The following ACKR3 variants were observed in gnomAD, a reference collection of about 807,000 sequenced individuals.
ACKR3 encodes atypical chemokine receptor 3, also known as C-X-C chemokine receptor type 7.
In ACKR3, 6 loss-of-function variants were observed where a neutral mutation model predicts 22.4. The ratio of observed to expected loss-of-function variants is 0.27; its 90% confidence interval spans 0.15 to 0.53. The LOEUF is 0.53. Among genes scored for constraint, ACKR3 ranks in the 20% least tolerant of loss-of-function variants. The probability of loss-of-function intolerance (pLI) is 0.96; values close to 1 mark genes in which losing one functional copy is unlikely to be tolerated. For missense variants in ACKR3, 396 were observed against 475.2 expected, an observed-to-expected ratio of 0.83 and a Z score of 1.55; for synonymous variants, 209 against 205.2, an observed-to-expected ratio of 1.02 and a Z score of -0.16.
chr2:236,577,641 C>A lies in ACKR3; in HGVS notation c.-26-2799C>A, dbSNP rs532861768. 6.6e-6 allele frequency among the ~76,000 whole-genome samples: 1 copy of A among 152,054 alleles called. No homozygotes were observed. The highest frequency in any genetic ancestry group is 1.5e-5 in the Non-Finnish European group (1 of 67,998). ...AGCAGTGGCCAGGCGCCTGGCCAGC[C>A]GGCATCTGACATGTCTCTACACTGG... On this transcript the variant is annotated intron_variant, in intron 1 of 1. Coordinates refer to ENST00000272928, the MANE Select transcript of ACKR3 (RefSeq NM_020311.3). The surrounding 1 kb of genome is among the most constrained non-coding windows in gnomAD (Gnocchi z 5.6).
chr2:236,538,248 T>C, the ACKR3 span, among the ~76,000 whole-genome samples: 2 of 152,272 alleles, frequency 1.3e-5, no homozygotes, highest in South Asian at 4.1e-4. Context: ...TGTTATTGAG[T>C]GTGTTCTGCA....
upstream of ACKR3, among the ~76,000 whole-genome samples, chr2:236,564,388 G>A (rs545391130): frequency 3.9e-5 from 6 of 152,280 alleles, no homozygotes; most frequent in African/African-American, 7.2e-5. Context: ...TTGTTGCTTC[G>A]TTCTTTTGTT....
At position 236,574,774 on chromosome 2, in the gene ACKR3, T is replaced by G. The variant is rs1468741069; in HGVS notation, c.-27+4850T>G. Among the ~76,000 whole-genome samples, 3 of 152,122 alleles carry G rather than the reference T, an allele frequency of 2.0e-5. No individual in the cohort carries two copies. The highest frequency in any genetic ancestry group is 4.4e-5 in the Non-Finnish European group (3 of 68,020). Reference sequence around the variant, plus strand: ...AGGCTGCTTGCTGCAGCACGGTCGTTGTCAAGGATACTTGGTTGATGAATA... The same window carrying G: ...AGGCTGCTTGCTGCAGCACGGTCGTGGTCAAGGATACTTGGTTGATGAATA... On this transcript the variant is annotated intron_variant, in intron 1 of 1. Coordinates refer to ENST00000272928, the MANE Select transcript of ACKR3 (RefSeq NM_020311.3). The surrounding 1 kb of genome is among the most constrained non-coding windows in gnomAD (Gnocchi z 5.6).
At chr2:236,572,066 G>A (rs1271228639) in intron 1 of ACKR3, among the ~76,000 whole-genome samples, 4 of 152,122 alleles carry the variant, frequency 2.6e-5, no homozygotes, top group South Asian at 4.1e-4. Context: ...CAAAGCTCCA[G>A]GACACGTATT....
the ACKR3 span, among the ~76,000 whole-genome samples, chr2:236,558,757 G>A: frequency 6.6e-6 from 1 of 152,130 alleles, no homozygotes; most frequent in Middle Eastern, 3.2e-3. Flanking sequence ...TAAAAAGGAA[G>A]GAAGGGTCTC....
At chr2:236,575,507 GTGTC>G (rs1283456842) in intron 1 of ACKR3, among the ~76,000 whole-genome samples, 1 of 140,996 alleles carries the variant, frequency 7.1e-6, no homozygotes, top group African/African-American at 2.7e-5. Context: ...GTGTGTGTGT[GTGTC>G]TGGGGTTGTG....
In ACKR3 at chr2:236,574,679, G is replaced by C. The variant is rs1428767094; in HGVS notation, c.-27+4755G>C. On this transcript the variant is annotated intron_variant, in intron 1 of 1. Coordinates refer to ENST00000272928, the MANE Select transcript of ACKR3 (RefSeq NM_020311.3). The surrounding 1 kb of genome is among the most constrained non-coding windows in gnomAD (Gnocchi z 5.6). Reference sequence around the variant, plus strand: ...ATGAAGGCTCTAAACCTGAGTACCTGTAATTCCGGCTTCACCCTCAGCTTG... The same window carrying C: ...ATGAAGGCTCTAAACCTGAGTACCTCTAATTCCGGCTTCACCCTCAGCTTG... Among the ~76,000 whole-genome samples the C allele has an allele frequency of 6.6e-6, 1 of 152,200 alleles. No individual in the cohort carries two copies. Among genetic ancestry groups the C allele is most frequent in the Admixed American group, 6.5e-5 (1 of 15,276 alleles).
At chr2:236,555,820 G>GAA in the ACKR3 span, among the ~76,000 whole-genome samples, 12 of 133,980 alleles carry the variant, frequency 9.0e-5, no homozygotes, top group Admixed American at 2.3e-4. Flanking sequence ...TACCTTAAAG[G>GAA]AAAAAAAAAA....
the ACKR3 span, among the ~76,000 whole-genome samples, chr2:236,544,201 G>T: frequency 2.6e-5 from 4 of 151,618 alleles, no homozygotes; most frequent in African/African-American, 2.4e-5. This position sits in a 1 kb window ranked among gnomAD's most constrained non-coding sequence, Gnocchi z 5.0. Flanking sequence ...TATTGGCAAG[G>T]CTGGTCTCGA....
upstream of ACKR3, among the ~76,000 whole-genome samples, chr2:236,567,421 G>T (rs555878634): frequency 2.0e-5 from 3 of 152,344 alleles, no homozygotes; most frequent in Admixed American, 6.5e-5. Context: ...GAGGATGGAG[G>T]TGGAGTTCTG....
chr2:236,550,233 C>T, the ACKR3 span, among the ~76,000 whole-genome samples: 2,330 of 152,284 alleles, frequency 0.015, 37 homozygotes, highest in African/African-American at 0.044. The surrounding 1 kb of genome is among the most constrained non-coding windows in gnomAD (Gnocchi z 4.6). Flanking sequence ...CATCCTTCTT[C>T]GTGCCTGCCC....
At chr2:236,560,412 T>C in the ACKR3 span, among the ~76,000 whole-genome samples, 1 of 150,266 alleles carries the variant, frequency 6.7e-6, no homozygotes, top group African/African-American at 2.5e-5. Context: ...ACTAGTGACA[T>C]TCAGCCATTA....
intron 1 of ACKR3, among the ~76,000 whole-genome samples, chr2:236,575,021 C>T (rs1253714208): frequency 6.6e-6 from 1 of 151,838 alleles, no homozygotes; most frequent in Non-Finnish European, 1.5e-5. Context: ...GACCCCTGTA[C>T]GAAGGAATGA....
At chr2:236,544,661 C>A in the ACKR3 span, among the ~76,000 whole-genome samples, 1 of 152,206 alleles carries the variant, frequency 6.6e-6, no homozygotes, top group South Asian at 2.1e-4. The surrounding 1 kb of genome is among the most constrained non-coding windows in gnomAD (Gnocchi z 5.0). Context: ...GAAGACGGTC[C>A]CCGGGATTCT....
At chr2:236,552,764 AG>A in the ACKR3 span, among the ~76,000 whole-genome samples, 1 of 151,712 alleles carries the variant, frequency 6.6e-6, no homozygotes, top group Non-Finnish European at 1.5e-5. Flanking sequence ...GGGACAAGGG[AG>A]GGAGGGACCC....
At chr2:236,561,986 G>T in the ACKR3 span, among the ~76,000 whole-genome samples, 1 of 152,086 alleles carries the variant, frequency 6.6e-6, no homozygotes, top group Non-Finnish European at 1.5e-5. Context: ...TTGTGCATTA[G>T]CTAGAGATTC....
chr2:236,566,965 TC>T (rs1348904066), upstream of ACKR3, among the ~76,000 whole-genome samples: 1 of 150,556 alleles, frequency 6.6e-6, no homozygotes, highest in African/African-American at 2.5e-5. Flanking sequence ...CTTCCTTCCT[TC>T]CTTCTTTCCT....
chr2:236,565,162 G>T (rs899661997), upstream of ACKR3, among the ~76,000 whole-genome samples: 2 of 152,008 alleles, frequency 1.3e-5, no homozygotes, highest in African/African-American at 4.8e-5. Flanking sequence ...ATACCTGCAA[G>T]AAACCACTCA....
the ACKR3 span, among the ~76,000 whole-genome samples, chr2:236,550,326 C>T: frequency 9.8e-5 from 15 of 152,342 alleles, no homozygotes; most frequent in South Asian, 3.1e-3. This position sits in a 1 kb window ranked among gnomAD's most constrained non-coding sequence, Gnocchi z 4.6. Flanking sequence ...TGGCAGGGTA[C>T]CCGGCTGCGC....
Sources: allele counts gnomAD v4.1 joint callset (sites outside exome capture counted in the v4.1 genomes callset), GRCh38; gene constraint gnomAD v4.1.1; non-coding constraint Gnocchi (gnomAD v3.1); transcripts MANE v1.5; gene names NCBI Gene and HGNC (gene_info 2026-07-23, HGNC 2026-07-21).